Variants in XRCC4 observed in about 807,000 individuals in gnomAD.
XRCC4 encodes the protein X-ray repair cross complementing 4.
Under a neutral mutation model 39.1 loss-of-function variants are expected in XRCC4, and 28 were observed. The ratio of observed to expected loss-of-function variants is 0.72; its 90% CI spans 0.53 to 0.98. The LOEUF is 0.98. Among genes scored for constraint, XRCC4 ranks in the 50% least tolerant of loss-of-function variants. The pLI, the probability that XRCC4 is intolerant of heterozygous loss-of-function variation, is 0.00. For missense variants in XRCC4, 350 were observed against 376.4 expected (o/e 0.93, Z 0.58); for synonymous variants, 123 against 126.4 (o/e 0.97, Z 0.18).
At chr5:83,327,563 G>T (rs1019570505) in intron 7 of XRCC4, among the ~76,000 whole-genome samples, 2 of 151,922 alleles carry the variant, frequency 1.3e-5, no homozygotes, top group Non-Finnish European at 1.5e-5. Context: ...GATTGTTGTG[G>T]TTATTTCATA....
chr5:83,349,534 C>T (rs908915243), intron 7 of XRCC4, among the ~76,000 whole-genome samples: 5 of 152,156 alleles, frequency 3.3e-5, no homozygotes, highest in Non-Finnish European at 5.9e-5. Context: ...GCACTATGAA[C>T]AGGGGTCAAA....
intron 3 of XRCC4, among the ~76,000 whole-genome samples, chr5:83,164,204 A>C (rs1749351251): frequency 1.3e-5 from 2 of 152,172 alleles, no homozygotes; most frequent in South Asian, 4.1e-4. Flanking sequence ...GCCTCTCACT[A>C]TCTTAAATTA....
chr5:83,155,552 A>C (rs762144967), intron 3 of XRCC4, among the ~76,000 whole-genome samples: 1 of 152,142 alleles, frequency 6.6e-6, no homozygotes, highest in African/African-American at 2.4e-5. Context: ...CAGTGGACTT[A>C]ATTCCAGCAC....
At chr5:83,159,466 T>A (rs1369844116) in intron 3 of XRCC4, among the ~76,000 whole-genome samples, 1 of 152,062 alleles carries the variant, frequency 6.6e-6, no homozygotes, top group South Asian at 2.1e-4. Flanking sequence ...AAAGGAGAAA[T>A]GTTTAGGAAA....
chr5:83,249,070 A>T (rs1464556443), intron 6 of XRCC4, among the ~76,000 whole-genome samples: 1 of 152,178 alleles, frequency 6.6e-6, no homozygotes, highest in African/African-American at 2.4e-5. Flanking sequence ...ATAATAAGGT[A>T]AGTTACAGAA....
chr5:83,287,624 A>G (rs187624308), intron 7 of XRCC4, among the ~76,000 whole-genome samples: 1 of 152,030 alleles, frequency 6.6e-6, no homozygotes, highest in African/African-American at 2.4e-5. Flanking sequence ...ACTTGCTCTC[A>G]ATGTTTTGAC....
chr5:83,148,419 T>C (rs2112544141), intron 3 of XRCC4, among the ~76,000 whole-genome samples: 1 of 152,318 alleles, frequency 6.6e-6, no homozygotes, highest in East Asian at 1.9e-4. Context: ...TTCAGTTAAA[T>C]TGTTTATGAA....
intron 7 of XRCC4, among the ~76,000 whole-genome samples, chr5:83,268,461 C>G (rs1165788307): frequency 1.3e-5 from 2 of 152,088 alleles, no homozygotes; most frequent in Non-Finnish European, 2.9e-5. Flanking sequence ...TATCATTTTA[C>G]ATCATTTCAT....
At chr5:83,366,881 A>C in the XRCC4 span, among the ~76,000 whole-genome samples, 104 of 152,152 alleles carry the variant, frequency 6.8e-4, no homozygotes, top group Middle Eastern at 0.01. Flanking sequence ...GCACCCTCCT[A>C]CTACTACCTA....
the XRCC4 span, among the ~76,000 whole-genome samples, chr5:83,369,294 T>C: frequency 6.6e-6 from 1 of 152,180 alleles, no homozygotes; most frequent in Non-Finnish European, 1.5e-5. Context: ...GGCAGGATTG[T>C]TACAGAGGAA....
At chr5:83,134,898 A>T (rs995084816) in intron 3 of XRCC4, among the ~76,000 whole-genome samples, 3 of 152,054 alleles carry the variant, frequency 2.0e-5, no homozygotes, top group Non-Finnish European at 4.4e-5. Flanking sequence ...TGTGACACTG[A>T]CCGCGAAGGT....
intron 7 of XRCC4, among the ~76,000 whole-genome samples, chr5:83,310,227 T>TG (rs1221172025): frequency 6.6e-6 from 1 of 152,120 alleles, no homozygotes; most frequent in Admixed American, 6.5e-5. Context: ...ACTGCATTAA[T>TG]GGGAGAGGAC....
At chr5:83,227,411 T>C (rs1752331958) in intron 6 of XRCC4, among the ~76,000 whole-genome samples, 1 of 152,120 alleles carries the variant, frequency 6.6e-6, no homozygotes, top group African/African-American at 2.4e-5. Flanking sequence ...GTTATACATT[T>C]TGACATATAC....
the XRCC4 span, among the ~76,000 whole-genome samples, chr5:83,373,824 T>G: frequency 6.6e-6 from 1 of 152,330 alleles, no homozygotes; most frequent in South Asian, 2.1e-4. Context: ...TGTATATCTA[T>G]GTATATAATA....
chr5:83,204,223 G>A (rs1157733041), intron 5 of XRCC4, among the ~76,000 whole-genome samples: 2 of 152,060 alleles, frequency 1.3e-5, no homozygotes, highest in East Asian at 3.8e-4. Flanking sequence ...TGGCTGATAC[G>A]GCTTTCGACG....
intron 6 of XRCC4, among the ~76,000 whole-genome samples, chr5:83,238,029 A>C (rs1398128992): frequency 6.6e-6 from 1 of 152,146 alleles, no homozygotes; most frequent in African/African-American, 2.4e-5. Flanking sequence ...AGTATTATGA[A>C]GATAACATAA....
chr5:83,219,780 A>G (rs1336897593), intron 6 of XRCC4, among the ~76,000 whole-genome samples: 1 of 152,190 alleles, frequency 6.6e-6, no homozygotes, highest in East Asian at 1.9e-4. Flanking sequence ...ATAAATGTTT[A>G]TATTATACGT....
At chr5:83,276,150 G>C (rs1252934341) in intron 7 of XRCC4, among the ~76,000 whole-genome samples, 1 of 152,108 alleles carries the variant, frequency 6.6e-6, no homozygotes, top group African/African-American at 2.4e-5. Flanking sequence ...AGCGATATGT[G>C]GTACAATACT....
chr5:83,282,175 G>A (rs140025246), intron 7 of XRCC4, among the ~76,000 whole-genome samples: 2 of 152,318 alleles, frequency 1.3e-5, no homozygotes, highest in African/African-American at 4.8e-5. Context: ...ATGGCAAATG[G>A]TTTGGGGAGA....
Sources: allele counts gnomAD v4.1 joint callset (sites outside exome capture counted in the v4.1 genomes callset), GRCh38; gene constraint gnomAD v4.1.1; transcripts MANE v1.5; gene names NCBI Gene and HGNC (gene_info 2026-07-23, HGNC 2026-07-21).